Variants in FKBP5 observed in about 807,000 individuals in gnomAD.
FKBP5 encodes the protein peptidyl-prolyl cis-trans isomerase FKBP5.
In FKBP5, 23 loss-of-function variants were observed where a neutral mutation model predicts 50.5. The observed-to-expected ratio is 0.46, with a 90% CI of 0.33 to 0.65. The LOEUF (loss-of-function observed/expected upper bound fraction) is 0.65. FKBP5 is among the 30% of genes least tolerant of loss of function. FKBP5 has a pLI of 0.02. For synonymous variants in FKBP5, 176 were observed against 190.6 expected (o/e 0.92, Z 0.63); for missense variants, 411 against 553.1 (o/e 0.74, Z 2.58).
intron 8 of FKBP5, chr6:35,584,451 C>T: frequency 1.1e-5 from 11 of 985,458 alleles, no homozygotes; most frequent in Non-Finnish European, 1.2e-5. Flanking sequence ...TCTGCTCTCA[C>T]CTACACATCT....
intron 1 of FKBP5, among the ~76,000 whole-genome samples, chr6:35,678,132 A>C (rs1581876397): frequency 6.6e-6 from 1 of 152,226 alleles, no homozygotes; most frequent in East Asian, 1.9e-4. Context: ...AAACAAAAGA[A>C]TTTAGTGACT....
At chr6:35,625,381 A>C (rs1367550430) in intron 3 of FKBP5, among the ~76,000 whole-genome samples, 3 of 151,586 alleles carry the variant, frequency 2.0e-5, no homozygotes, top group Non-Finnish European at 2.9e-5. Context: ...CACCATGCCC[A>C]ACCCCCAAAG....
At chr6:35,692,562 G>A (rs1003015811), upstream of FKBP5, among the ~76,000 whole-genome samples, 2 of 152,112 alleles carry the variant, frequency 1.3e-5, no homozygotes, top group Non-Finnish European at 2.9e-5. Context: ...ACTTTGGGAG[G>A]CTGAGGTGGG....
intron 8 of FKBP5, chr6:35,586,368 C>T (rs1762598692): frequency 1.0e-6 from 1 of 985,072 alleles, no homozygotes; most frequent in Admixed American, 6.2e-5. Flanking sequence ...CAGGAATCAT[C>T]TTGGCCATTA....
intron 1 of FKBP5, among the ~76,000 whole-genome samples, chr6:35,681,327 G>A (rs1020911201): frequency 3.9e-5 from 6 of 152,078 alleles, no homozygotes; most frequent in Admixed American, 1.3e-4. Context: ...ACATGAAAAC[G>A]AAGTTACCCA....
chr6:35,622,766 G>A (rs1763883763), intron 3 of FKBP5, among the ~76,000 whole-genome samples: 1 of 152,132 alleles, frequency 6.6e-6, no homozygotes, highest in Admixed American at 6.5e-5. Context: ...AAAGGAGGAT[G>A]TACATTTTAG....
chr6:35,717,588 G>A (rs2151023736), intron 2 of FKBP5, among the ~76,000 whole-genome samples: 1 of 152,336 alleles, frequency 6.6e-6, no homozygotes, highest in African/African-American at 2.4e-5. Flanking sequence ...AGGGGCAGGG[G>A]AGCTGTGGGA....
intron 9 of FKBP5, among the ~76,000 whole-genome samples, chr6:35,578,597 G>A (rs1043647641): frequency 2.0e-5 from 3 of 151,986 alleles, no homozygotes; most frequent in Non-Finnish European, 4.4e-5. Flanking sequence ...GTGAAACCCT[G>A]TCTCTACTAA....
chr6:35,670,870 CAT>C (rs1014137961), intron 1 of FKBP5, among the ~76,000 whole-genome samples: 7 of 152,030 alleles, frequency 4.6e-5, no homozygotes, highest in Admixed American at 3.3e-4. Flanking sequence ...AACTCAGTCA[CAT>C]ATTTAAAAAA....
chr6:35,634,494 G>A (rs549687664), intron 3 of FKBP5, among the ~76,000 whole-genome samples: 96 of 152,282 alleles, frequency 6.3e-4, no homozygotes, highest in Non-Finnish European at 6.3e-4. Context: ...ACTGGAGCTT[G>A]GAAAGAGCAC....
intron 10 of FKBP5, among the ~76,000 whole-genome samples, chr6:35,576,726 T>C (rs1282854484): frequency 6.6e-6 from 1 of 152,066 alleles, no homozygotes; most frequent in East Asian, 1.9e-4. Context: ...GTTTTTGCCA[T>C]TGAAAGTAAT....
chr6:35,662,621 G>A (rs1446892537), intron 1 of FKBP5, among the ~76,000 whole-genome samples: 2 of 151,858 alleles, frequency 1.3e-5, no homozygotes, highest in Non-Finnish European at 2.9e-5. Context: ...ATCTCAAACT[G>A]GGTATACTAA....
At chr6:35,693,163 C>CTCT (rs1766023442), upstream of FKBP5, among the ~76,000 whole-genome samples, 1 of 109,806 alleles carries the variant, frequency 9.1e-6, no homozygotes, top group African/African-American at 3.5e-5. Context: ...TTCTCTCTCT[C>CTCT]TTTTTTTTTT....
chr6:35,672,117 C>A (rs2151005203), intron 1 of FKBP5, among the ~76,000 whole-genome samples: 1 of 152,256 alleles, frequency 6.6e-6, no homozygotes, highest in South Asian at 2.1e-4. Flanking sequence ...ATCCGCCCAC[C>A]TCGGCCTCCC....
rs1762808024 is a variant in FKBP5, at chr6:35,591,110, G to A, written c.756+20C>T. On this transcript the variant is annotated intron_variant, in intron 7 of 10. Transcript: ENST00000357266. ...GAGAAGAAACCTACCATAATTTTAAGGAAGTTGGTATTTTCTCACCTTTTC... is the reference window on the plus strand; with the variant it reads ...GAGAAGAAACCTACCATAATTTTAAAGAAGTTGGTATTTTCTCACCTTTTC... 1 of 1,526,596 alleles carries A rather than the reference G, an allele frequency of 6.6e-7. No individual in the cohort carries two copies. The highest frequency in any genetic ancestry group is 9.0e-7 in the Non-Finnish European group (1 of 1,107,268). The allele number at this position is 1,526,596 out of a possible 1,614,324, so 94.6% of individuals were successfully genotyped here. A position where few individuals can be genotyped will look rare whatever the true frequency, so the allele number is the denominator to read the frequency against.
chr6:35,603,856 C>T (rs1763225593), intron 5 of FKBP5, among the ~76,000 whole-genome samples: 1 of 152,090 alleles, frequency 6.6e-6, no homozygotes, highest in African/African-American at 2.4e-5. Context: ...CAGGCCCGCA[C>T]CACCATGCCC....
intron 6 of FKBP5, among the ~76,000 whole-genome samples, chr6:35,593,678 C>G (rs1420494108): frequency 6.6e-6 from 1 of 152,144 alleles, no homozygotes; most frequent in African/African-American, 2.4e-5. Flanking sequence ...CCTCAGCCTC[C>G]CGAGTAGCCG....
Position 35,649,102 on chromosome 6 carries a change from T to C in FKBP5, c.-19-6259A>G, listed in dbSNP as rs113425178. 6.0e-3 allele frequency among the ~76,000 whole-genome samples: 911 copies of C among 151,814 alleles called. 12 individuals carry two copies. The highest frequency in any genetic ancestry group is 0.02 in the African/African-American group (837 of 41,378). On this transcript the variant is annotated intron_variant, in intron 1 of 10. Coordinates refer to ENST00000357266, the MANE Select transcript of FKBP5 (RefSeq NM_004117.4). ...CTGTCTCTACTAAAAATACAAAATA[T>C]TAGCCGGGCGTGGTGGCGAGCGCCT...
chr6:35,594,172 T>C (rs1178910119), intron 6 of FKBP5, among the ~76,000 whole-genome samples: 3 of 151,852 alleles, frequency 2.0e-5, no homozygotes, highest in Non-Finnish European at 4.4e-5. Flanking sequence ...CTGGACAACA[T>C]AGTAAGACCC....
Sources: allele counts gnomAD v4.1 joint callset (sites outside exome capture counted in the v4.1 genomes callset), GRCh38; gene constraint gnomAD v4.1.1; transcripts MANE v1.5; gene names NCBI Gene and HGNC (gene_info 2026-07-23, HGNC 2026-07-21).